PCOLCE2: variants seen among roughly 807,000 people sequenced by gnomAD.
PCOLCE2 encodes procollagen C-endopeptidase enhancer 2.
A neutral mutation model predicts 47.0 loss-of-function variants in PCOLCE2; 42 were observed. That is an observed-to-expected ratio of 0.89 (90% CI 0.70 to 1.16). The LOEUF (loss-of-function observed/expected upper bound fraction) is 1.16, where lower values mean the gene tolerates loss of function less well. PCOLCE2 is among the 50% of genes most tolerant of loss of function. The probability of loss-of-function intolerance (pLI) is 0.00; values close to 1 mark genes in which losing one functional copy is unlikely to be tolerated. For missense variants in PCOLCE2, 500 were observed against 526.1 expected, an observed-to-expected ratio of 0.95 and a Z score of 0.49; for synonymous variants, 169 against 191.7, an observed-to-expected ratio of 0.88 and a Z score of 0.98.
intron 3 of PCOLCE2, among the ~76,000 whole-genome samples, chr3:142,845,885 A>G (rs1251191279): frequency 1.3e-5 from 2 of 152,046 alleles, no homozygotes; most frequent in East Asian, 3.9e-4. Flanking sequence ...TGAGGCACAA[A>G]AATCGCTTGA....
chr3:142,820,107 A>ATT (rs76842871), intron 8 of PCOLCE2, among the ~76,000 whole-genome samples: 6 of 145,238 alleles, frequency 4.1e-5, no homozygotes, highest in African/African-American at 1.3e-4. Flanking sequence ...AGGAACTTAA[A>ATT]TTTTTTTTTT....
chr3:142,875,699 G>A (rs1933483640), intron 2 of PCOLCE2, among the ~76,000 whole-genome samples: 1 of 152,096 alleles, frequency 6.6e-6, no homozygotes, highest in Admixed American at 6.6e-5. Context: ...GTTGTGAATG[G>A]AGATGATGAA....
At chr3:142,877,629 G>GA (rs1224150593) in intron 2 of PCOLCE2, among the ~76,000 whole-genome samples, 2 of 152,184 alleles carry the variant, frequency 1.3e-5, no homozygotes, top group African/African-American at 4.8e-5. Flanking sequence ...ACTAACTTTA[G>GA]AAAGTCCCAG....
At position 142,848,293 on chromosome 3, in the gene PCOLCE2, C is replaced by T; in HGVS notation, c.372G>A (p.Val124=). Residue 124 remains valine (V), a synonymous_variant, in exon 3 of 9, where the codon GTG becomes GTA. Coordinates refer to ENST00000295992, the MANE Select transcript of PCOLCE2 (RefSeq NM_013363.4). ...CTGTGTTGGCATCAGAAATCATCTG[C>T]ACCATCATCTTGTTGCCACTGGACA... The part of the protein sequence containing the change: ...ALVSSGNKMM[V]QMISDANTAG... 2 of 1,614,222 alleles carry T rather than the reference C, an allele frequency of 1.2e-6. No homozygotes were observed. The highest frequency in any genetic ancestry group is 1.7e-6 in the Non-Finnish European group (2 of 1,180,018).
rs114261885 is a variant in PCOLCE2, at chr3:142,870,593, C to T, written c.192+17076G>A. Among the ~76,000 whole-genome samples the T allele has an allele frequency of 2.1e-3, 313 of 151,830 alleles. 1 individual carries two copies. The highest frequency in any genetic ancestry group is 7.2e-3 in the African/African-American group (296 of 41,362). On this transcript the variant is annotated intron_variant, in intron 2 of 8. Transcript: ENST00000295992. ...AATGTAAAATTGTGGCATTTTGGTT[C>T]GGAATAATAGGCTCAGGCTAGGAAA...
At chr3:142,843,487 T>C (rs1018366900) in intron 3 of PCOLCE2, among the ~76,000 whole-genome samples, 1 of 150,774 alleles carries the variant, frequency 6.6e-6, no homozygotes, top group Non-Finnish European at 1.5e-5. Flanking sequence ...CCATGATATA[T>C]ATATAATATG....
intron 4 of PCOLCE2, among the ~76,000 whole-genome samples, chr3:142,840,363 T>C (rs1362378852): frequency 1.3e-5 from 2 of 152,156 alleles, no homozygotes; most frequent in African/African-American, 2.4e-5. Flanking sequence ...ATTTCCAACA[T>C]GTGAATCAAA....
At chr3:142,828,887 C>T (rs1384390233) in intron 6 of PCOLCE2, among the ~76,000 whole-genome samples, 2 of 152,220 alleles carry the variant, frequency 1.3e-5, no homozygotes, top group Non-Finnish European at 2.9e-5. Flanking sequence ...CACAGTGGCG[C>T]ACTTGCAGAG....
intron 2 of PCOLCE2, among the ~76,000 whole-genome samples, chr3:142,869,159 C>T (rs1388515402): frequency 3.9e-5 from 6 of 152,034 alleles, no homozygotes; most frequent in African/African-American, 1.2e-4. Context: ...GGCGTGGTGG[C>T]GGGCGCCTGT....
At chr3:142,832,121 C>T (rs1336072207) in intron 5 of PCOLCE2, among the ~76,000 whole-genome samples, 3 of 152,198 alleles carry the variant, frequency 2.0e-5, no homozygotes, top group Non-Finnish European at 4.4e-5. Context: ...TCTTCCTGTC[C>T]TTCAGTCACT....
At chr3:142,871,163 T>C (rs1933380523) in intron 2 of PCOLCE2, among the ~76,000 whole-genome samples, 2 of 152,218 alleles carry the variant, frequency 1.3e-5, no homozygotes, top group Admixed American at 6.5e-5. Flanking sequence ...CCTCGTCTTG[T>C]CCATTAATAA....
intron 2 of PCOLCE2, among the ~76,000 whole-genome samples, chr3:142,850,109 A>G (rs930000023): frequency 1.3e-5 from 2 of 152,220 alleles, no homozygotes; most frequent in Non-Finnish European, 2.9e-5. Flanking sequence ...AACAGAAAGA[A>G]CAATTTAAAT....
rs1937006222 is a variant in PCOLCE2, at chr3:142,820,961, C to T, written c.1034G>A (p.Gly345Glu). Reference sequence around the variant, plus strand: ...GCCCGCCTGCTGAATCGCCAAATTTCCCTCTTTGTAGATGTTGATGATCGA... The same window carrying T: ...GCCCGCCTGCTGAATCGCCAAATTTTCCTCTTTGTAGATGTTGATGATCGA... ...TVSIINIYKEGNLAIQQAGKN... is the reference protein window; with the variant it reads ...TVSIINIYKEENLAIQQAGKN... The change falls in exon 8 of 9, where the codon GGA (glycine) becomes GAA (glutamate). Residue 345 changes from glycine (G) to glutamate (E), a missense_variant. By Grantham distance (98) the Gly-to-Glu change is moderately conservative. Coordinates refer to ENST00000295992, the MANE Select transcript of PCOLCE2 (RefSeq NM_013363.4). 6.2e-7 allele frequency: 1 copy of T among 1,614,098 alleles called. No homozygotes were observed. Among genetic ancestry groups the T allele is most frequent in the East Asian group, 2.2e-5 (1 of 44,876 alleles).
intron 2 of PCOLCE2, among the ~76,000 whole-genome samples, chr3:142,870,272 T>C (rs1241644295): frequency 6.6e-6 from 1 of 152,184 alleles, no homozygotes; most frequent in Admixed American, 6.5e-5. Context: ...CAAACTCCAC[T>C]ATTATGTAAA....
At chr3:142,857,391 C>A (rs1933083759) in intron 2 of PCOLCE2, among the ~76,000 whole-genome samples, 1 of 152,162 alleles carries the variant, frequency 6.6e-6, no homozygotes, top group Non-Finnish European at 1.5e-5. Context: ...TCACATTTAG[C>A]CATGTGTTCA....
At chr3:142,825,572 T>A (rs368708663) in intron 6 of PCOLCE2, among the ~76,000 whole-genome samples, 2 of 152,308 alleles carry the variant, frequency 1.3e-5, no homozygotes, top group East Asian at 3.9e-4. Context: ...CTATCAAATT[T>A]AGACCTGCTG....
In PCOLCE2 at chr3:142,818,259, T is replaced by A. The variant is rs1936972624; in HGVS notation, c.*76A>T. 8.0e-7 allele frequency: 1 copy of A among 1,244,760 alleles called. No homozygotes were observed. Among genetic ancestry groups the A allele is most frequent in the African/African-American group, 1.5e-5 (1 of 66,030 alleles). The allele number at this position is 1,244,760 out of a possible 1,614,324, so 77.1% of individuals were successfully genotyped here. A position where few individuals can be genotyped will look rare whatever the true frequency, so the allele number is the denominator to read the frequency against. ...TTCAGAATATGTAATTTTATAAGTA[T>A]TTTTTTTTCTACTGAGAGAACATAG... is the stretch of plus-strand genomic sequence containing the variant. On this transcript the variant is annotated 3_prime_UTR_variant, in exon 9 of 9. Transcript: ENST00000295992.
chr3:142,856,608 C>T (rs534867036), intron 2 of PCOLCE2, among the ~76,000 whole-genome samples: 1 of 152,302 alleles, frequency 6.6e-6, no homozygotes, highest in South Asian at 2.1e-4. Context: ...CAAAGCCGAA[C>T]CCACAGAAGC....
At chr3:142,848,760 G>A (rs551488623) in intron 2 of PCOLCE2, among the ~76,000 whole-genome samples, 26 of 152,318 alleles carry the variant, frequency 1.7e-4, no homozygotes, top group African/African-American at 5.8e-4. Flanking sequence ...ATTAATAGAT[G>A]AGTCATTGCT....
Sources: allele counts gnomAD v4.1 joint callset (sites outside exome capture counted in the v4.1 genomes callset), GRCh38; gene constraint gnomAD v4.1.1; transcripts MANE v1.5; gene names NCBI Gene and HGNC (gene_info 2026-07-23, HGNC 2026-07-21).